Variants in AMZ2 observed in about 807,000 individuals in gnomAD.
AMZ2 encodes archaelysin family metallopeptidase 2, also known as archaemetzincin-2.
In AMZ2, 26 loss-of-function variants were observed where a neutral mutation model predicts 36.7. That is an observed-to-expected ratio of 0.71 (90% CI 0.52 to 0.98). The LOEUF (loss-of-function observed/expected upper bound fraction) is 0.98, where lower values mean the gene tolerates loss of function less well. AMZ2 is among the 50% of genes least tolerant of loss of function. AMZ2 has a pLI of 0.00. For missense variants in AMZ2, 394 were observed against 430.5 expected (o/e 0.92, Z 0.75); for synonymous variants, 144 against 149.1 (o/e 0.97, Z 0.25).
At chr17:68,242,682 G>A (rs1465184570) in intron 1 of AMZ2, among the ~76,000 whole-genome samples, 1 of 151,978 alleles carries the variant, frequency 6.6e-6, no homozygotes, top group Non-Finnish European at 1.5e-5. Flanking sequence ...CAAAGTTCTG[G>A]GATTACAGGC....
chr17:68,247,789 C>G, upstream of AMZ2: 2 of 985,564 alleles, frequency 2.0e-6, no homozygotes, highest in Non-Finnish European at 2.4e-6. Context: ...GCCGCGGAGC[C>G]GCCGCGAGCG....
intron 1 of AMZ2, among the ~76,000 whole-genome samples, chr17:68,221,343 G>C (rs1259327329): frequency 6.6e-6 from 1 of 151,808 alleles, no homozygotes; most frequent in Non-Finnish European, 1.5e-5. Context: ...GGAAGAGAAG[G>C]CATTTGGGCT....
chr17:68,252,467 C>G (rs1277814636), intron 4 of AMZ2, among the ~76,000 whole-genome samples: 1 of 152,080 alleles, frequency 6.6e-6, no homozygotes, highest in African/African-American at 2.4e-5. Context: ...TATTATTAAC[C>G]TGATAGAGAT....
chr17:68,254,257 G>A, intron 4 of AMZ2, 147 bp from the exon 5 acceptor site: 3 of 647,166 alleles, frequency 4.6e-6, no homozygotes, highest in Non-Finnish European at 7.2e-6. Flanking sequence ...TTCCTTTTTG[G>A]TGGCAAACCA....
intron 1 of AMZ2, among the ~76,000 whole-genome samples, chr17:68,218,426 C>T (rs1455513770): frequency 3.3e-5 from 5 of 152,032 alleles, no homozygotes; most frequent in East Asian, 3.9e-4. Flanking sequence ...TGGGCTCAAG[C>T]GATCCTCCAG....
At chr17:68,219,134 A>AT (rs771661634) in intron 1 of AMZ2, among the ~76,000 whole-genome samples, 99 of 152,020 alleles carry the variant, frequency 6.5e-4, no homozygotes, top group Non-Finnish European at 1.2e-3. Context: ...CACCTGGCTA[A>AT]TTTTGTATTT....
chr17:68,228,450 C>A (rs555011094), intron 1 of AMZ2, among the ~76,000 whole-genome samples: 54 of 152,316 alleles, frequency 3.5e-4, no homozygotes, highest in Non-Finnish European at 6.3e-4. Context: ...CCCTGACTGC[C>A]CATCGGCAAA....
intron 6 of AMZ2, 31 bp downstream of exon 6, chr17:68,255,907 G>A: frequency 6.2e-7 from 1 of 1,601,864 alleles, no homozygotes; most frequent in Admixed American, 1.7e-5. Context: ...TCTAAAGAGG[G>A]GGAAGTGGTT....
At chr17:68,227,865 A>T (rs1294720957) in intron 1 of AMZ2, among the ~76,000 whole-genome samples, 1 of 152,188 alleles carries the variant, frequency 6.6e-6, no homozygotes, top group Admixed American at 6.5e-5. Flanking sequence ...AACTGTATTT[A>T]GGGCCCACCC....
At position 68,250,098 on chromosome 17, in the gene AMZ2, G is replaced by A. The variant is rs137884878; in HGVS notation, c.1-90G>A. ...TTAGCAATCAGTCATTTCACTCTAGGGAGAAATCAGAGCTGAAATATAGAG... is the reference window on the plus strand; with the variant it reads ...TTAGCAATCAGTCATTTCACTCTAGAGAGAAATCAGAGCTGAAATATAGAG... On this transcript the variant is annotated intron_variant, in intron 1 of 6. Coordinates refer to ENST00000359904, the MANE Select transcript of AMZ2 (RefSeq NM_016627.5). 178 of 1,376,394 alleles carry A rather than the reference G, an allele frequency of 1.3e-4. 1 individual carries two copies. In the African/African-American group the frequency reaches 2.5e-3, roughly 19 times the overall value. The allele number at this position is 1,376,394 out of a possible 1,614,324, so 85.3% of individuals were successfully genotyped here.
intron 1 of AMZ2, among the ~76,000 whole-genome samples, chr17:68,210,840 T>A (rs2073023047): frequency 1.3e-5 from 2 of 150,946 alleles, no homozygotes. Context: ...CCTAGTTACT[T>A]GTGAGACTGA....
chr17:68,215,701 G>A lies in AMZ2; in HGVS notation c.-67+9463G>A, dbSNP rs1303314413. Among the ~76,000 whole-genome samples the A allele has an allele frequency of 1.4e-5, 2 of 140,458 alleles. 1 individual carries two copies. The highest frequency in any genetic ancestry group is 4.2e-4 in the East Asian group (2 of 4,728). 92.1% of individuals were successfully genotyped at this position (140,458 alleles called of 152,430 possible). A position where few individuals can be genotyped will look rare whatever the true frequency, so the allele number is the denominator to read the frequency against. ...TTCACGCAATCTCAAGTGCCCTCTTGAAAGGAGCTCATAGTCATCAGGATG... is the reference window on the plus strand; with the variant it reads ...TTCACGCAATCTCAAGTGCCCTCTTAAAAGGAGCTCATAGTCATCAGGATG... On this transcript the variant is annotated intron_variant, in intron 1 of 7. Transcript: ENST00000674770.
intron 1 of AMZ2, among the ~76,000 whole-genome samples, chr17:68,211,612 G>A (rs2073047296): frequency 6.6e-6 from 1 of 150,598 alleles, no homozygotes; most frequent in Non-Finnish European, 1.5e-5. Flanking sequence ...TTAAAAGGGT[G>A]AATTTATGGT....
chr17:68,243,776 A>G (rs2073950317), upstream of AMZ2, among the ~76,000 whole-genome samples: 2 of 152,234 alleles, frequency 1.3e-5, no homozygotes, highest in African/African-American at 4.8e-5. Context: ...CCATGTTAAT[A>G]TATCACACAT....
upstream of AMZ2, chr17:68,248,031 G>A: frequency 1.0e-6 from 1 of 986,642 alleles, no homozygotes; most frequent in South Asian, 4.7e-5. Context: ...GCCAGTGGGC[G>A]TGGCGTGGCG....
chr17:68,242,441 C>A (rs1349204043), intron 1 of AMZ2, among the ~76,000 whole-genome samples: 1 of 151,404 alleles, frequency 6.6e-6, no homozygotes, highest in Non-Finnish European at 1.5e-5. Context: ...TTTATCAGCA[C>A]TTTTTTTTTG....
intron 1 of AMZ2, among the ~76,000 whole-genome samples, chr17:68,209,632 A>ATATATATGTATATATATTTTT: frequency 2.2e-5 from 2 of 90,700 alleles, no homozygotes; most frequent in African/African-American, 5.0e-5. Flanking sequence ...ATATATATAT[A>ATATATATGTATATATATTTTT]TTTTTTTTTT....
chr17:68,230,588 A>C (rs111758481), intron 1 of AMZ2, among the ~76,000 whole-genome samples: 9,091 of 152,272 alleles, frequency 0.06, 483 homozygotes, highest in Admixed American at 0.13. Context: ...TTCCAGGTGG[A>C]GTCTAACTCT....
intron 1 of AMZ2, among the ~76,000 whole-genome samples, chr17:68,240,014 A>T (rs1376082743): frequency 5.3e-5 from 8 of 152,220 alleles, no homozygotes; most frequent in African/African-American, 1.9e-4. Context: ...GGGATGCTAT[A>T]AGAAAATATG....
Sources: allele counts gnomAD v4.1 joint callset (sites outside exome capture counted in the v4.1 genomes callset), GRCh38; gene constraint gnomAD v4.1.1; transcripts MANE v1.5; gene names NCBI Gene and HGNC (gene_info 2026-07-23, HGNC 2026-07-21).